The following GPRC6A variants were observed in gnomAD, a reference collection of about 807,000 sequenced individuals.
The protein encoded by GPRC6A is G protein-coupled receptor class C group 6 member A.
A neutral mutation model predicts 47.0 loss-of-function variants in GPRC6A; 54 were observed. That is an observed-to-expected ratio of 1.15 (90% confidence interval 0.92 to 1.44). The LOEUF is 1.44. GPRC6A is among the 40% of genes most tolerant of loss of function. The pLI is 0.00. For synonymous variants in GPRC6A, 347 were observed against 377.1 expected (o/e 0.92, Z 0.93); for missense variants, 1,112 against 1,105.5 (o/e 1.01, Z -0.08).
chr6:116,805,334 C>T (rs946298882), intron 3 of GPRC6A, among the ~76,000 whole-genome samples: 3 of 151,044 alleles, frequency 2.0e-5, no homozygotes, highest in African/African-American at 2.4e-5. Context: ...TATCAGACCT[C>T]GAATATGGTA....
intron 1 of GPRC6A, among the ~76,000 whole-genome samples, chr6:116,815,349 G>T (rs1773172480): frequency 6.6e-6 from 1 of 152,124 alleles, no homozygotes; most frequent in Admixed American, 6.5e-5. Context: ...TAGGCATGGT[G>T]GTACACACCT....
At position 116,795,818 on chromosome 6, in the gene GPRC6A, G is replaced by A; in HGVS notation, c.1566C>T (p.Cys522=). ...TTTGCCCAGGACTGCATTCCTTGGA[G>A]CATTTAGATTGAATTTGCTATATTA... The part of the protein sequence containing the change: ...FRNLKQIQSK[C]SKECSPGQMK... The change falls in exon 5 of 6, where the codon TGC becomes TGT. Residue 522 remains cysteine (C), a synonymous_variant. Transcript: ENST00000310357. 6.3e-7 allele frequency: 1 copy of A among 1,598,480 alleles called. No individual in the cohort carries two copies. Among genetic ancestry groups the A allele is most frequent in the Non-Finnish European group, 8.5e-7 (1 of 1,170,538 alleles).
intron 5 of GPRC6A, among the ~76,000 whole-genome samples, chr6:116,794,025 A>G (rs1772400284): frequency 6.6e-6 from 1 of 152,198 alleles, no homozygotes; most frequent in Admixed American, 6.5e-5. Flanking sequence ...ATTTATGCTT[A>G]TTCTGGCTGC....
At chr6:116,818,496 T>A (rs1469916668) in intron 1 of GPRC6A, among the ~76,000 whole-genome samples, 3 of 94,270 alleles carry the variant, frequency 3.2e-5, no homozygotes, top group African/African-American at 1.2e-4. Context: ...ATCCCGCCAC[T>A]GCACTCCAGC....
At chr6:116,822,529 C>T (rs1305381909) in intron 1 of GPRC6A, among the ~76,000 whole-genome samples, 4 of 128,960 alleles carry the variant, frequency 3.1e-5, no homozygotes, top group African/African-American at 1.2e-4. Flanking sequence ...TACTATGCAG[C>T]CATAAAAAAT....
chr6:116,818,532 T>TCAAAAAAAAAAAAAAAAAAAAAAAA (rs1554263527), intron 1 of GPRC6A, among the ~76,000 whole-genome samples: 1 of 15,504 alleles, frequency 6.4e-5, no homozygotes, highest in Non-Finnish European at 1.7e-4. Context: ...AGACTCCGTC[T>TCAAAAAAAAAAAAAAAAAAAAAAAA]AAAAAAAAAA....
At chr6:116,809,948 G>A (rs975392214) in intron 1 of GPRC6A, among the ~76,000 whole-genome samples, 3 of 151,908 alleles carry the variant, frequency 2.0e-5, no homozygotes, top group East Asian at 1.9e-4. Context: ...CTGTCAAAAT[G>A]CTTGCTTTTT....
At chr6:116,801,051 TCTAAGTA>T (rs1772659782) in intron 3 of GPRC6A, among the ~76,000 whole-genome samples, 1 of 152,184 alleles carries the variant, frequency 6.6e-6, no homozygotes, top group African/African-American at 2.4e-5. Flanking sequence ...GATGGTTGTT[TCTAAGTA>T]TCTTCGTTTA....
At chr6:116,804,988 CAGGCCAAAAGCCTTGAAATATATT>C (rs1168562875) in intron 3 of GPRC6A, among the ~76,000 whole-genome samples, 3 of 151,850 alleles carry the variant, frequency 2.0e-5, no homozygotes, top group East Asian at 3.9e-4. Flanking sequence ...TGCAGTGCAC[CAGGCCAAAAGCCTTGAAATATATT>C]AGAAAACATT....
rs1003842183 is a variant in GPRC6A at position 116,814,444 on chromosome 6, T to C, written c.195-4827A>G. Among the ~76,000 whole-genome samples the C allele has an allele frequency of 3.3e-5, 5 of 152,162 alleles. No individual in the cohort carries two copies. The South Asian group carries it at 8.3e-4, about 25-fold the overall frequency. On this transcript the variant is annotated intron_variant, in intron 1 of 5. Transcript: ENST00000310357. Reference sequence around the variant, plus strand: ...CAGCCATAAAAAGGATGAGTTCATGTCCTTTGTAGGGACATGGATGAAGCT... The same window carrying C: ...CAGCCATAAAAAGGATGAGTTCATGCCCTTTGTAGGGACATGGATGAAGCT...
Position 116,800,698 on chromosome 6 carries a change from G to C in GPRC6A, c.1434C>G (p.Leu478=). Reference sequence around the variant, plus strand: ...TCATGTGTCCATTGATCTCCTTCCAGAGCACAACATCATATCCAGTATTTA... The same window carrying C: ...TCATGTGTCCATTGATCTCCTTCCACAGCACAACATCATATCCAGTATTTA... ...GDLNTGYDVV[L]WKEINGHMTV... The change falls in exon 4 of 6, where the codon CTC becomes CTG. Residue 478 remains leucine (L), a synonymous_variant. Transcript: ENST00000310357. 1 of 1,610,288 alleles carries C rather than the reference G, an allele frequency of 6.2e-7. No homozygotes were observed. Among genetic ancestry groups the C allele is most frequent in the Non-Finnish European group, 8.5e-7 (1 of 1,176,774 alleles).
In GPRC6A at chr6:116,793,136, A is replaced by G. The variant is rs1309938063; in HGVS notation, c.1787T>C (p.Leu596Pro). The change falls in exon 6 of 6, where the codon CTA becomes CCA. Residue 596 changes from leucine (L) to proline (P), a missense_variant. Transcript: ENST00000310357. ...YLNWNDSLAI[L>P]LLILSLLGII... ...TCCCAGTAGGGAGAGAATCAGGAGT[A>G]GGATGGCCAAGGAGTCATTCCAGTT... The G allele has an allele frequency of 6.2e-7, 1 of 1,613,854 alleles. No individual in the cohort carries two copies. Among genetic ancestry groups the G allele is most frequent in the Admixed American group, 1.7e-5 (1 of 59,996 alleles).
intron 4 of GPRC6A, among the ~76,000 whole-genome samples, chr6:116,797,691 T>C (rs1426801574): frequency 2.0e-5 from 3 of 152,196 alleles, no homozygotes; most frequent in Admixed American, 2.0e-4. Flanking sequence ...TGGAGATAAG[T>C]ATTGATAACA....
chr6:116,792,374 A>G lies in GPRC6A; in HGVS notation c.2549T>C (p.Leu850Pro). Residue 850 changes from leucine (L) to proline (P), a missense_variant, in exon 6 of 6, where the codon CTC becomes CCC. Leu to Pro is a moderately conservative substitution (Grantham distance 98). Coordinates refer to ENST00000310357, the MANE Select transcript of GPRC6A (RefSeq NM_148963.4). ...KQEINTKSAF[L>P]KMIYSYSSHS... ...GGAAGAATAACTGTAGATCATCTTG[A>G]GAAAGGCAGACTTTGTGTTAATCTC... The G allele has an allele frequency of 1.2e-6, 2 of 1,614,060 alleles. No homozygotes were observed. Among genetic ancestry groups the G allele is most frequent in the African/African-American group, 1.3e-5 (1 of 75,036 alleles).
At chr6:116,813,814 A>G (rs1455648734) in intron 1 of GPRC6A, among the ~76,000 whole-genome samples, 1 of 152,272 alleles carries the variant, frequency 6.6e-6, no homozygotes. Flanking sequence ...CATTAGAGTG[A>G]ACAGGCAACT....
chr6:116,795,682 T>A, intron 5 of GPRC6A, 30 bp downstream of exon 5: 1 of 1,528,976 alleles, frequency 6.5e-7, no homozygotes, highest in East Asian at 2.3e-5. Context: ...AGAGGAATGA[T>A]TCAGGTGTAT....
rs1772849451 is a variant in GPRC6A, at chr6:116,806,638, T to TGTGA, written c.1066_1067insTCAC (p.Glu356ValfsTer17). The TGTGA allele has an allele frequency of 9.3e-6, 15 of 1,613,558 alleles. No individual in the cohort carries two copies. The East Asian group carries it at 3.3e-4, about 36-fold the overall frequency. Reference sequence around the variant, plus strand: ...GCAGGCAGATAAATGCATGGCATATTCATGTAAGAGTTTGTGACTGTCACT... The same window carrying TGTGA: ...GCAGGCAGATAAATGCATGGCATATTGTGACATGTAAGAGTTTGTGACTGTCACT... On this transcript the variant is annotated frameshift_variant, in exon 3 of 6. Coordinates refer to ENST00000310357, the MANE Select transcript of GPRC6A (RefSeq NM_148963.4). LOFTEE classifies it high-confidence loss of function.
At chr6:116,799,800 G>T (rs1201662575) in intron 4 of GPRC6A, among the ~76,000 whole-genome samples, 1 of 151,932 alleles carries the variant, frequency 6.6e-6, no homozygotes, top group Non-Finnish European at 1.5e-5. Context: ...AAGGAGAGAG[G>T]GTATAAAATT....
At chr6:116,810,025 A>T (rs1772975410) in intron 1 of GPRC6A, among the ~76,000 whole-genome samples, 1 of 152,012 alleles carries the variant, frequency 6.6e-6, no homozygotes, top group South Asian at 2.1e-4. Context: ...GATAAATAAG[A>T]CTCTTAAGAA....
Sources: gnomAD v4.1 joint callset for allele counts (sites outside exome capture counted in the v4.1 genomes callset) on GRCh38, gnomAD v4.1.1 for gene constraint, MANE v1.5 for transcripts, NCBI Gene and HGNC (gene_info 2026-07-23, HGNC 2026-07-21) for gene names.